The following SLC37A3 variants were observed in gnomAD, a reference collection of about 807,000 sequenced individuals.
SLC37A3 encodes the protein solute carrier family 37 member 3.
SLC37A3 carries 51 observed loss-of-function variants against 67.1 expected under a neutral mutation model. That is an observed-to-expected ratio of 0.76 (90% CI 0.61 to 0.96). The LOEUF (loss-of-function observed/expected upper bound fraction) is 0.96, where lower values mean the gene tolerates loss of function less well. Among genes scored for constraint, SLC37A3 ranks in the 40% least tolerant of loss-of-function variants. SLC37A3 has a pLI of 0.00. For synonymous variants in SLC37A3, 214 were observed against 231.4 expected, an observed-to-expected ratio of 0.92 and a Z score of 0.68; for missense variants, 508 against 603.0, an observed-to-expected ratio of 0.84 and a Z score of 1.65.
At chr7:140,373,783 G>T (rs1480781178) in intron 3 of SLC37A3, among the ~76,000 whole-genome samples, 1 of 150,400 alleles carries the variant, frequency 6.6e-6, no homozygotes, top group East Asian at 2.0e-4. Context: ...TGGGACTACA[G>T]ACACACTCCA....
chr7:140,397,504 T>C (rs542773248), intron 1 of SLC37A3, among the ~76,000 whole-genome samples: 2 of 152,188 alleles, frequency 1.3e-5, no homozygotes, highest in East Asian at 3.9e-4. Context: ...CGAAGCTCAA[T>C]TTCCTCATGT....
rs1382832345 is a variant in SLC37A3 at position 140,358,758 on chromosome 7, A to G, written c.403T>C (p.Trp135Arg). Residue 135 changes from tryptophan to arginine, a missense_variant, in exon 6 of 15, where the codon TGG (tryptophan) becomes CGG (arginine). Physicochemically the swap from Trp to Arg is moderately radical, Grantham distance 101. Coordinates refer to ENST00000326232, the MANE Select transcript of SLC37A3 (RefSeq NM_207113.3). ...VVFVFGALTE[W>R]LRFYNKWLYC... The stretch of plus-strand genomic sequence containing the variant: ...AGCCATTTGTTGTAGAAACGCAGCC[A>G]TTCTGTGAGCGCACCAAAGACAAAC... The G allele has an allele frequency of 6.2e-7, 1 of 1,614,074 alleles. No individual in the cohort carries two copies. The highest frequency in any genetic ancestry group is 2.2e-5 in the East Asian group (1 of 44,894).
chr7:140,365,205 G>A (rs1200436636), intron 4 of SLC37A3, among the ~76,000 whole-genome samples: 1 of 152,160 alleles, frequency 6.6e-6, no homozygotes, highest in East Asian at 1.9e-4. Flanking sequence ...AAGACCTTAA[G>A]CGCAGCACAC....
At chr7:140,362,461 G>A (rs1442550090) in intron 5 of SLC37A3, among the ~76,000 whole-genome samples, 1 of 146,814 alleles carries the variant, frequency 6.8e-6, no homozygotes, top group African/African-American at 2.6e-5. Flanking sequence ...CGCCCCGTCT[G>A]GGAGGTGAGG....
At chr7:140,360,038 A>G (rs1436002105) in intron 5 of SLC37A3, among the ~76,000 whole-genome samples, 2 of 152,224 alleles carry the variant, frequency 1.3e-5, no homozygotes, top group Admixed American at 6.5e-5. Flanking sequence ...CTTACACTCA[A>G]ATGACAAACA....
At chr7:140,348,490 T>G in intron 10 of SLC37A3, 136 bp downstream of exon 10, 1 of 892,440 alleles carries the variant, frequency 1.1e-6, no homozygotes, top group South Asian at 3.1e-5. Context: ...AGTTTGGCTG[T>G]TTACTAGTAG....
In SLC37A3 at chr7:140,335,184, G is replaced by A. The variant is rs528778661; in HGVS notation, c.*228C>T. The A allele has an allele frequency of 5.7e-6, 9 of 1,567,738 alleles. No homozygotes were observed. Among genetic ancestry groups the A allele is most frequent in the Non-Finnish European group, 7.8e-6 (9 of 1,150,224 alleles). On this transcript the variant is annotated 3_prime_UTR_variant, in exon 15 of 15. Transcript: ENST00000326232. ...TGCTGGCAGAGTCAGAAGTCACTCG[G>A]CACATTCATGAAACAACAGCAAAAA...
chr7:140,365,797 A>G (rs1468893261), intron 4 of SLC37A3, among the ~76,000 whole-genome samples: 2 of 152,120 alleles, frequency 1.3e-5, no homozygotes, highest in Admixed American at 1.3e-4. Flanking sequence ...TCTTAAGAGA[A>G]GCATGTCAGC....
chr7:140,382,502 T>C lies in SLC37A3; in HGVS notation c.25A>G (p.Arg9Gly). MAWPNVFQ[R>G]GSLLSQFSHH... ...CTGAACTGGGACAGCAGAGACCCTC[T>C]TTGAAAAACATTTGGCCAGGCCATG... Residue 9 changes from arginine (R) to glycine (G), a missense_variant, in exon 2 of 15, where the codon AGA becomes GGA. Transcript: ENST00000326232. 2 of 1,614,126 alleles carry C rather than the reference T, an allele frequency of 1.2e-6. No homozygotes were observed. Among genetic ancestry groups the C allele is most frequent in the Non-Finnish European group, 1.7e-6 (2 of 1,179,978 alleles).
intron 3 of SLC37A3, among the ~76,000 whole-genome samples, chr7:140,372,807 G>A (rs1466450987): frequency 6.6e-6 from 1 of 151,446 alleles, no homozygotes; most frequent in East Asian, 2.0e-4. Flanking sequence ...AGGTTTCACT[G>A]AATCGAGATT....
intron 11 of SLC37A3, 95 bp downstream of exon 11, chr7:140,345,774 G>T: frequency 1.0e-6 from 1 of 960,802 alleles, no homozygotes; most frequent in Non-Finnish European, 1.7e-6. Flanking sequence ...TGGTCTCCAG[G>T]CTCTCCCCAG....
intron 10 of SLC37A3, among the ~76,000 whole-genome samples, chr7:140,348,017 G>A (rs1042257558): frequency 2.0e-5 from 3 of 151,802 alleles, no homozygotes; most frequent in Admixed American, 2.0e-4. Context: ...TTATAAGTTG[G>A]GCACAGAAAT....
intron 1 of SLC37A3, among the ~76,000 whole-genome samples, chr7:140,383,599 A>G (rs934458298): frequency 1.3e-5 from 2 of 152,146 alleles, no homozygotes; most frequent in Non-Finnish European, 2.9e-5. Flanking sequence ...TATCTCCCCA[A>G]AATGAAAAAA....
At chr7:140,344,032 C>T (rs935385244) in intron 12 of SLC37A3, 1 of 191,912 alleles carries the variant, frequency 5.2e-6, no homozygotes, top group Admixed American at 5.7e-5. Flanking sequence ...ATCAGGCATG[C>T]GATGGCCCAG....
chr7:140,381,203 T>C (rs1798238797), intron 2 of SLC37A3, among the ~76,000 whole-genome samples: 1 of 110,038 alleles, frequency 9.1e-6, no homozygotes, highest in South Asian at 4.3e-4. Flanking sequence ...TGGCCAAGAA[T>C]TCTTCTCTTT....
intron 13 of SLC37A3, 30 bp from the exon 14 acceptor site, chr7:140,337,379 T>C (rs1796185727): frequency 2.0e-6 from 3 of 1,489,086 alleles, no homozygotes; most frequent in Non-Finnish European, 2.7e-6. Context: ...AATTACAATA[T>C]AATTCTTTAT....
chr7:140,350,678 C>T (rs1051487949), intron 9 of SLC37A3, among the ~76,000 whole-genome samples: 17 of 152,046 alleles, frequency 1.1e-4, no homozygotes, highest in Non-Finnish European at 1.9e-4. Context: ...GCAGGAGAAT[C>T]GCTTGAACCC....
At position 140,373,798 on chromosome 7, in the gene SLC37A3, GCCCAGC is replaced by G. The variant is rs1797915976; in HGVS notation, c.199-4122_199-4117del. Among the ~76,000 whole-genome samples, 5 of 150,916 alleles carry G rather than the reference GCCCAGC, an allele frequency of 3.3e-5. No individual in the cohort carries two copies. The East Asian group carries it at 9.7e-4, about 29-fold the overall frequency. On this transcript the variant is annotated intron_variant, in intron 3 of 14. Transcript: ENST00000326232. Reference sequence around the variant, plus strand: ...TGGGACTACAGACACACTCCACCATGCCCAGCTAAAGGATCTCTGAATAAACTCCGC... The same window carrying G: ...TGGGACTACAGACACACTCCACCATGTAAAGGATCTCTGAATAAACTCCGC...
rs1797734593 is a variant in SLC37A3 at position 140,369,492 on chromosome 7, G to A, written c.291+98C>T. 5.8e-6 allele frequency: 5 copies of A among 866,850 alleles called. No homozygotes were observed. In the East Asian group the frequency reaches 7.7e-5, roughly 13 times the overall value. The allele number at this position is 866,850 out of a possible 1,614,324, so 53.7% of individuals were successfully genotyped here. ...TTCAGAAATACTGAACTCTGCCTCA[G>A]TCAGCAAATTCAAAATCCCTTACAA... On this transcript the variant is annotated intron_variant, in intron 4 of 14. Transcript: ENST00000326232.
Sources: allele counts gnomAD v4.1 joint callset (sites outside exome capture counted in the v4.1 genomes callset), GRCh38; gene constraint gnomAD v4.1.1; transcripts MANE v1.5; gene names NCBI Gene and HGNC (gene_info 2026-07-23, HGNC 2026-07-21).